The following R3HDM2 variants were observed in gnomAD, a reference collection of about 807,000 sequenced individuals.
The protein encoded by R3HDM2 is R3H domain containing 2, also known as R3H domain-containing protein 2.
Under a neutral mutation model 124.5 loss-of-function variants are expected in R3HDM2, and 38 were observed. That is an observed-to-expected ratio of 0.31 (90% CI 0.24 to 0.40). R3HDM2 has a LOEUF of 0.40. R3HDM2 is among the 10% of genes least tolerant of loss of function. The pLI, the probability that R3HDM2 is intolerant of heterozygous loss-of-function variation, is 1.00. For missense variants in R3HDM2, 869 were observed against 1,236.9 expected, an observed-to-expected ratio of 0.70 and a Z score of 4.46; for synonymous variants, 391 against 448.0, an observed-to-expected ratio of 0.87 and a Z score of 1.61.
intron 2 of R3HDM2, among the ~76,000 whole-genome samples, chr12:57,340,362 A>G (rs2059408360): frequency 6.6e-6 from 1 of 152,132 alleles, no homozygotes; most frequent in Non-Finnish European, 1.5e-5. Context: ...ATTATCCACA[A>G]ATTTGCTGCA....
chr12:57,361,131 T>TTTGGGAGG (rs2061909422), intron 2 of R3HDM2, among the ~76,000 whole-genome samples: 1 of 148,150 alleles, frequency 6.7e-6, no homozygotes, highest in South Asian at 2.1e-4. Context: ...ATCCCAGAAC[T>TTTGGGAGG]TTGGGAGGCC....
At chr12:57,275,569 G>T (rs1267916218) in intron 14 of R3HDM2, among the ~76,000 whole-genome samples, 2 of 149,592 alleles carry the variant, frequency 1.3e-5, no homozygotes, top group Non-Finnish European at 3.0e-5. Context: ...TTCACAATCT[G>T]TACATCTGAC....
intron 2 of R3HDM2, among the ~76,000 whole-genome samples, chr12:57,385,365 C>T (rs183729126): frequency 2.6e-4 from 40 of 151,102 alleles, no homozygotes; most frequent in Admixed American, 2.0e-3. Flanking sequence ...TCTCAGCCTC[C>T]CAAGTAGCTG....
intron 1 of R3HDM2, among the ~76,000 whole-genome samples, chr12:57,397,339 G>C (rs538702807): frequency 2.2e-4 from 34 of 152,204 alleles, no homozygotes; most frequent in African/African-American, 7.7e-4. Flanking sequence ...ATATGCCCAA[G>C]TCAGTCTGTA....
At chr12:57,343,229 TG>T in intron 2 of R3HDM2, among the ~76,000 whole-genome samples, 1 of 150,500 alleles carries the variant, frequency 6.6e-6, no homozygotes, top group East Asian at 1.9e-4. Flanking sequence ...TCACTCTTGT[TG>T]CCCAAGCTAG....
intron 2 of R3HDM2, among the ~76,000 whole-genome samples, chr12:57,331,043 T>C (rs2136608505): frequency 6.6e-6 from 1 of 152,282 alleles, no homozygotes; most frequent in African/African-American, 2.4e-5. Context: ...CGTCTGCAAA[T>C]AGAGATAATT....
chr12:57,394,379 T>C, intron 2 of R3HDM2, among the ~76,000 whole-genome samples: 1 of 150,424 alleles, frequency 6.6e-6, no homozygotes, highest in East Asian at 2.0e-4. Flanking sequence ...GTGGCTGAGG[T>C]GGGCAGATCA....
chr12:57,409,553 T>C (rs1482633116), intron 1 of R3HDM2, among the ~76,000 whole-genome samples: 2 of 138,390 alleles, frequency 1.4e-5, no homozygotes, highest in Non-Finnish European at 3.2e-5. Flanking sequence ...TTGGCTGCAA[T>C]ACACAGAGAG....
At chr12:57,405,276 C>T (rs1469649977) in intron 1 of R3HDM2, among the ~76,000 whole-genome samples, 1 of 152,124 alleles carries the variant, frequency 6.6e-6, no homozygotes, top group Non-Finnish European at 1.5e-5. Context: ...ATTTAAATTT[C>T]TCATAATGAG....
intron 1 of R3HDM2, among the ~76,000 whole-genome samples, chr12:57,405,696 G>C (rs2068465753): frequency 6.6e-6 from 1 of 152,066 alleles, no homozygotes; most frequent in Non-Finnish European, 1.5e-5. Context: ...ATGAACTTAG[G>C]ATATACTTTA....
At chr12:57,300,298 G>T in intron 4 of R3HDM2, 117 bp from the exon 5 acceptor site, 1 of 836,576 alleles carries the variant, frequency 1.2e-6, no homozygotes, top group Non-Finnish European at 1.9e-6. Context: ...GGCTCTGTTA[G>T]TTGCTGTTTC....
At chr12:57,306,525 C>T (rs186828427) in intron 3 of R3HDM2, among the ~76,000 whole-genome samples, 4 of 152,120 alleles carry the variant, frequency 2.6e-5, no homozygotes, top group Middle Eastern at 6.8e-3. Context: ...TCTCCTGCCT[C>T]AGCCTCCTGG....
intron 2 of R3HDM2, among the ~76,000 whole-genome samples, chr12:57,325,335 G>A (rs1434998150): frequency 6.6e-6 from 1 of 152,100 alleles, no homozygotes; most frequent in Non-Finnish European, 1.5e-5. Flanking sequence ...ATAGAGACAA[G>A]GTTTCACCAC....
chr12:57,256,601 A>G, intron 21 of R3HDM2, 90 bp from the exon 22 acceptor site: 3 of 880,640 alleles, frequency 3.4e-6, no homozygotes, highest in Non-Finnish European at 5.1e-6. Flanking sequence ...GACAGCAACA[A>G]TGCATACTAT....
chr12:57,337,949 A>G (rs2059074741), intron 2 of R3HDM2, among the ~76,000 whole-genome samples: 2 of 152,242 alleles, frequency 1.3e-5, no homozygotes, highest in South Asian at 4.1e-4. Flanking sequence ...GAACACTAGA[A>G]ATTTTTATAT....
intron 1 of R3HDM2, among the ~76,000 whole-genome samples, chr12:57,408,340 T>C (rs1455920855): frequency 1.3e-5 from 2 of 152,206 alleles, no homozygotes; most frequent in African/African-American, 4.8e-5. Context: ...GTGCCAGGAT[T>C]ATAGGCATGA....
At chr12:57,414,091 C>A (rs2069299256) in intron 1 of R3HDM2, among the ~76,000 whole-genome samples, 1 of 151,254 alleles carries the variant, frequency 6.6e-6, no homozygotes, top group South Asian at 2.1e-4. Flanking sequence ...TCAAATGATC[C>A]ACCCACCTCA....
intron 2 of R3HDM2, among the ~76,000 whole-genome samples, chr12:57,350,953 G>T (rs1234650408): frequency 6.6e-6 from 1 of 152,108 alleles, no homozygotes; most frequent in African/African-American, 2.4e-5. Context: ...ACAAAAATTA[G>T]CTGGGCATGG....
At chr12:57,330,890 G>C (rs900318789) in intron 2 of R3HDM2, among the ~76,000 whole-genome samples, 1 of 150,970 alleles carries the variant, frequency 6.6e-6, no homozygotes, top group Non-Finnish European at 1.5e-5. Context: ...TAGTAGAGAA[G>C]GGGTTTCACC....
Sources: allele counts gnomAD v4.1 joint callset (sites outside exome capture counted in the v4.1 genomes callset), GRCh38; gene constraint gnomAD v4.1.1; transcripts MANE v1.5; gene names NCBI Gene and HGNC (gene_info 2026-07-23, HGNC 2026-07-21).